Variants in SGCD observed in about 807,000 individuals in gnomAD.
The protein encoded by SGCD is delta-sarcoglycan.
In SGCD, 18 loss-of-function variants were observed where a neutral mutation model predicts 36.6. The observed-to-expected ratio is 0.49, with a 90% CI of 0.34 to 0.73. SGCD has a LOEUF of 0.73. Among genes scored for constraint, SGCD ranks in the 30% least tolerant of loss-of-function variants. SGCD has a pLI of 0.01. For missense variants in SGCD, 387 were observed against 346.7 expected, an observed-to-expected ratio of 1.12 and a Z score of -0.92; for synonymous variants, 133 against 130.6, an observed-to-expected ratio of 1.02 and a Z score of -0.12.
chr5:155,785,883 A>C, the SGCD span, among the ~76,000 whole-genome samples: 2 of 152,276 alleles, frequency 1.3e-5, no homozygotes, highest in South Asian at 4.1e-4. Flanking sequence ...TGTGGTCCAG[A>C]TATTATTACT....
At position 156,335,502 on chromosome 5, in the gene SGCD, C is replaced by G. The variant is rs112991370; in HGVS notation, c.3+5923C>G. Among the ~76,000 whole-genome samples, 5 of 152,236 alleles carry G rather than the reference C, an allele frequency of 3.3e-5. No individual in the cohort carries two copies. The East Asian group carries it at 9.7e-4, about 29-fold the overall frequency. Reference sequence around the variant, plus strand: ...ATGTCCCGAAGCCCAGTCTTCCTTCCCCTTGAAGTCCAGATTCGTTTCCAA... The same window carrying G: ...ATGTCCCGAAGCCCAGTCTTCCTTCGCCTTGAAGTCCAGATTCGTTTCCAA... On this transcript the variant is annotated intron_variant, in intron 2 of 8. Coordinates refer to ENST00000337851, the MANE Select transcript of SGCD (RefSeq NM_000337.6).
upstream of SGCD, among the ~76,000 whole-genome samples, chr5:155,868,973 G>T (rs539781939): frequency 6.6e-6 from 1 of 152,264 alleles, no homozygotes; most frequent in East Asian, 1.9e-4. Context: ...TAGAAAAGTG[G>T]CTGGGAATTC....
In SGCD at chr5:156,287,050, C is replaced by T. The variant is rs146547199; in HGVS notation, c.-43-42484C>T. ...GTGTTTACATTCTAAAAGGGAAATA[C>T]GACAACAAAGAGGGTAAACAAATAG... On this transcript the variant is annotated intron_variant, in intron 3 of 9. Transcript: ENST00000517913. 2.0e-3 allele frequency among the ~76,000 whole-genome samples: 305 copies of T among 152,110 alleles called. 1 individual carries two copies. Among genetic ancestry groups the T allele is most frequent in the South Asian group, 0.013 (65 of 4,816 alleles).
At chr5:156,116,379 A>C (rs1421213185) in intron 1 of SGCD, among the ~76,000 whole-genome samples, 2 of 152,078 alleles carry the variant, frequency 1.3e-5, no homozygotes, top group Non-Finnish European at 2.9e-5. Flanking sequence ...CAGACTATGC[A>C]CTTATTTTTC....
chr5:156,359,797 C>A (rs1006731943), intron 3 of SGCD, among the ~76,000 whole-genome samples: 1 of 152,160 alleles, frequency 6.6e-6, no homozygotes, highest in Non-Finnish European at 1.5e-5. Flanking sequence ...TGGTGCTATA[C>A]CTCCCATACA....
At chr5:155,944,448 C>G (rs779103324) in intron 1 of SGCD, among the ~76,000 whole-genome samples, 24 of 152,156 alleles carry the variant, frequency 1.6e-4, no homozygotes, top group Admixed American at 2.6e-4. Context: ...GCACTGTTCT[C>G]TAGCTTTTAA....
intron 3 of SGCD, among the ~76,000 whole-genome samples, chr5:156,421,542 T>C (rs974224937): frequency 3.9e-5 from 6 of 152,074 alleles, no homozygotes; most frequent in African/African-American, 1.2e-4. Context: ...GTCTATAATA[T>C]CATCCTCATA....
chr5:156,448,715 GTTTCTT>G (rs1157545618), intron 3 of SGCD, among the ~76,000 whole-genome samples: 8 of 123,520 alleles, frequency 6.5e-5, no homozygotes, highest in African/African-American at 1.8e-4. Flanking sequence ...GGTGGGAGAA[GTTTCTT>G]TTTCTTTTTC....
chr5:156,421,679 G>C lies in SGCD; in HGVS notation c.192+77002G>C, dbSNP rs567728352. Reference sequence around the variant, plus strand: ...CCATAGAATTTAAATTGCTAAAAGAGCCCTTAAGTAAATGAGCGCTTTTAG... The same window carrying C: ...CCATAGAATTTAAATTGCTAAAAGACCCCTTAAGTAAATGAGCGCTTTTAG... On this transcript the variant is annotated intron_variant, in intron 3 of 8. Transcript: ENST00000337851. Among the ~76,000 whole-genome samples, 5 of 152,164 alleles carry C rather than the reference G, an allele frequency of 3.3e-5. No individual in the cohort carries two copies. In the South Asian group the frequency reaches 8.3e-4, roughly 25 times the overall value.
intron 3 of SGCD, among the ~76,000 whole-genome samples, chr5:156,402,039 C>T (rs1561672122): frequency 6.6e-6 from 1 of 152,126 alleles, no homozygotes; most frequent in Non-Finnish European, 1.5e-5. Flanking sequence ...TTGTGTCTGG[C>T]TTATTTCACT....
At chr5:156,302,979 A>C (rs1246809428) in intron 3 of SGCD, among the ~76,000 whole-genome samples, 2 of 152,198 alleles carry the variant, frequency 1.3e-5, no homozygotes, top group South Asian at 2.1e-4. Context: ...TATCTACCAC[A>C]GATGTTTACT....
chr5:156,733,323 G>A (rs1380238398), intron 7 of SGCD, among the ~76,000 whole-genome samples: 2 of 152,058 alleles, frequency 1.3e-5, no homozygotes, highest in Admixed American at 6.6e-5. Flanking sequence ...TCATTCAGGA[G>A]TATGTTGTTC....
At chr5:155,734,744 A>C in the SGCD span, among the ~76,000 whole-genome samples, 1 of 152,142 alleles carries the variant, frequency 6.6e-6, no homozygotes, top group East Asian at 1.9e-4. Flanking sequence ...TCGCCTCCAA[A>C]TATTTGCTTT....
chr5:156,737,292 G>GTGAT (rs141400817), intron 7 of SGCD, among the ~76,000 whole-genome samples: 4,528 of 152,178 alleles, frequency 0.03, 210 homozygotes, highest in African/African-American at 0.1. Flanking sequence ...ATGGGTTCTA[G>GTGAT]TGATAGAGTT....
rs79041448 is a variant in SGCD at position 156,726,769 on chromosome 5, A to C, written c.576-30812A>C. 2.2e-3 allele frequency among the ~76,000 whole-genome samples: 330 copies of C among 152,238 alleles called. 2 individuals are homozygous for C. Among genetic ancestry groups the C allele is most frequent in the African/African-American group, 7.7e-3 (321 of 41,534 alleles). Reference sequence around the variant, plus strand: ...CAATAACTGCTTTTTGTTATATTTCAATGGTCAGGTTTGTCTTCCACAGGA... The same window carrying C: ...CAATAACTGCTTTTTGTTATATTTCCATGGTCAGGTTTGTCTTCCACAGGA... On this transcript the variant is annotated intron_variant, in intron 7 of 8. Transcript: ENST00000337851.
chr5:156,578,755 G>T (rs375365249), intron 4 of SGCD, among the ~76,000 whole-genome samples: 1 of 152,112 alleles, frequency 6.6e-6, no homozygotes, highest in East Asian at 1.9e-4. Context: ...GGGATTGGTG[G>T]TGATATCCCC....
chr5:155,746,178 C>A, the SGCD span, among the ~76,000 whole-genome samples: 41,818 of 152,008 alleles, frequency 0.28, 7,336 homozygotes, highest in East Asian at 0.42. Context: ...CATACACTAA[C>A]CTAAAGATGA....
the SGCD span, among the ~76,000 whole-genome samples, chr5:155,847,139 A>ATGAATGGG: frequency 6.6e-6 from 1 of 152,188 alleles, no homozygotes; most frequent in East Asian, 1.9e-4. Flanking sequence ...GTGTATGCAC[A>ATGAATGGG]TGAATGGGTA....
At chr5:156,209,097 G>A (rs2127640073) in intron 3 of SGCD, among the ~76,000 whole-genome samples, 1 of 152,184 alleles carries the variant, frequency 6.6e-6, no homozygotes, top group South Asian at 2.1e-4. Context: ...TAAGGCACTA[G>A]ACAGGCCCCC....
Sources: gnomAD v4.1 joint callset for allele counts (sites outside exome capture counted in the v4.1 genomes callset) on GRCh38, gnomAD v4.1.1 for gene constraint, MANE v1.5 for transcripts, NCBI Gene and HGNC (gene_info 2026-07-23, HGNC 2026-07-21) for gene names.